PCDH9: variants seen among roughly 807,000 people sequenced by gnomAD.
The protein encoded by PCDH9 is protocadherin 9.
PCDH9 carries 24 observed loss-of-function variants against 70.6 expected under a neutral mutation model. The observed-to-expected ratio is 0.34, with a 90% CI of 0.25 to 0.48. The LOEUF is 0.48. Ranked by LOEUF, PCDH9 falls within the 20% of genes least tolerant of loss-of-function variation. The pLI is 0.99. For missense variants in PCDH9, 1,281 were observed against 1,503.6 expected (o/e 0.85, Z 2.45); for synonymous variants, 562 against 558.5 (o/e 1.01, Z -0.09).
chr13:66,380,253 T>G (rs1285928704), intron 4 of PCDH9, among the ~76,000 whole-genome samples: 2 of 152,172 alleles, frequency 1.3e-5, no homozygotes, highest in African/African-American at 4.8e-5. Flanking sequence ...ACTAGGATAA[T>G]AAGACAGTCA....
chr13:66,675,123 C>A (rs1256564661), intron 3 of PCDH9, among the ~76,000 whole-genome samples: 1 of 152,022 alleles, frequency 6.6e-6, no homozygotes, highest in Non-Finnish European at 1.5e-5. Flanking sequence ...GATTCCTTAT[C>A]TGTAAAATAC....
chr13:67,069,492 A>C (rs1271111074), intron 2 of PCDH9, among the ~76,000 whole-genome samples: 1 of 152,176 alleles, frequency 6.6e-6, no homozygotes, highest in African/African-American at 2.4e-5. Flanking sequence ...ACAAAATAAA[A>C]GAAAACCTTT....
At chr13:66,962,033 G>C (rs1329162656) in intron 2 of PCDH9, among the ~76,000 whole-genome samples, 1 of 150,504 alleles carries the variant, frequency 6.6e-6, no homozygotes, top group Admixed American at 6.6e-5. Context: ...CCTGGCGACA[G>C]AGCGAGACCC....
chr13:66,769,428 T>C (rs2079769079), intron 3 of PCDH9, among the ~76,000 whole-genome samples: 1 of 151,878 alleles, frequency 6.6e-6, no homozygotes, highest in African/African-American at 2.4e-5. Context: ...ATAGAAAAAT[T>C]AATATTTGGG....
At chr13:66,656,362 AG>A (rs2077929492) in intron 3 of PCDH9, among the ~76,000 whole-genome samples, 1 of 152,218 alleles carries the variant, frequency 6.6e-6, no homozygotes, top group South Asian at 2.1e-4. Flanking sequence ...CATATTCAGT[AG>A]AGTTAAGACA....
In PCDH9 at chr13:67,219,448, T is replaced by C. The variant is rs571649589; in HGVS notation, c.3036+5957A>G. ...TAAAAACAGAGTACATCTCCTTATG[T>C]ACATGAGAGATCCTATTTTTACATT... On this transcript the variant is annotated intron_variant, in intron 2 of 4. Coordinates refer to ENST00000377865, the MANE Select transcript of PCDH9 (RefSeq NM_203487.3). The C allele has an allele frequency of 3.9e-5, 6 of 152,200 alleles. 1 individual carries two copies. In the South Asian group the frequency reaches 1.0e-3, roughly 26 times the overall value. 9.4% of individuals were successfully genotyped at this position (152,200 alleles called of 1,614,324 possible).
chr13:66,988,031 A>G (rs1432553376), intron 2 of PCDH9, among the ~76,000 whole-genome samples: 1 of 151,762 alleles, frequency 6.6e-6, no homozygotes, highest in Admixed American at 6.6e-5. Context: ...TCCCTGGTAG[A>G]TGGAACTAAA....
intron 2 of PCDH9, among the ~76,000 whole-genome samples, chr13:66,930,815 C>T (rs535471280): frequency 2.0e-4 from 31 of 151,810 alleles, no homozygotes; most frequent in African/African-American, 7.0e-4. Flanking sequence ...TCTGACCCAC[C>T]GAAAAAAATT....
chr13:66,851,272 G>T (rs34449097), intron 3 of PCDH9, among the ~76,000 whole-genome samples: 1 of 151,888 alleles, frequency 6.6e-6, no homozygotes, highest in Admixed American at 6.6e-5. Context: ...CAAAATTCTC[G>T]TCTGTATTAT....
intron 4 of PCDH9, among the ~76,000 whole-genome samples, chr13:66,407,457 A>G (rs1379415579): frequency 6.6e-6 from 1 of 152,188 alleles, no homozygotes; most frequent in East Asian, 1.9e-4. Flanking sequence ...GTCTGGCCTT[A>G]GGCAGCATTC....
At chr13:66,810,897 T>C (rs929494202) in intron 3 of PCDH9, among the ~76,000 whole-genome samples, 1 of 151,972 alleles carries the variant, frequency 6.6e-6, no homozygotes, top group African/African-American at 2.4e-5. Context: ...TCTTCTTTTA[T>C]GGATGAAGAA....
chr13:66,941,306 A>G (rs2083002689), intron 2 of PCDH9, among the ~76,000 whole-genome samples: 1 of 151,820 alleles, frequency 6.6e-6, no homozygotes, highest in Non-Finnish European at 1.5e-5. Context: ...ATAAAAACAT[A>G]TTATAAAATA....
chr13:66,900,238 G>C (rs2082255344), intron 3 of PCDH9, among the ~76,000 whole-genome samples: 1 of 151,818 alleles, frequency 6.6e-6, no homozygotes, highest in African/African-American at 2.4e-5. Flanking sequence ...GTGTGCATTT[G>C]AGCAAATTAC....
chr13:66,706,854 G>A (rs2078718250), intron 3 of PCDH9, among the ~76,000 whole-genome samples: 2 of 152,174 alleles, frequency 1.3e-5, no homozygotes. Context: ...CTGAAGCCAA[G>A]AGTTTGGGTT....
At chr13:66,616,867 G>A (rs1230204410) in intron 4 of PCDH9, among the ~76,000 whole-genome samples, 4 of 152,056 alleles carry the variant, frequency 2.6e-5, no homozygotes, top group Non-Finnish European at 2.9e-5. Flanking sequence ...TAAGGAGTCC[G>A]TACAATCCCC....
At chr13:66,440,386 A>G (rs1344847177) in intron 4 of PCDH9, among the ~76,000 whole-genome samples, 4 of 152,094 alleles carry the variant, frequency 2.6e-5, no homozygotes, top group African/African-American at 9.7e-5. Context: ...TTGATTATTA[A>G]TTTCCTGTGC....
intron 2 of PCDH9, among the ~76,000 whole-genome samples, chr13:67,012,420 A>G (rs1244231103): frequency 6.6e-6 from 1 of 151,980 alleles, no homozygotes; most frequent in Non-Finnish European, 1.5e-5. Context: ...CAAGTAAGTT[A>G]TTACCAACAA....
intron 2 of PCDH9, among the ~76,000 whole-genome samples, chr13:67,043,172 A>T (rs1263416003): frequency 6.6e-6 from 1 of 152,198 alleles, no homozygotes; most frequent in Non-Finnish European, 1.5e-5. Flanking sequence ...AATTGCTTAC[A>T]AATTTTAATC....
At chr13:66,976,497 T>G (rs1254311815) in intron 2 of PCDH9, among the ~76,000 whole-genome samples, 3 of 152,100 alleles carry the variant, frequency 2.0e-5, no homozygotes, top group African/African-American at 7.2e-5. Flanking sequence ...CTCTTTGAGT[T>G]TCAAATGACT....
Sources: gnomAD v4.1 joint callset for allele counts (sites outside exome capture counted in the v4.1 genomes callset) on GRCh38, gnomAD v4.1.1 for gene constraint, MANE v1.5 for transcripts, NCBI Gene and HGNC (gene_info 2026-07-23, HGNC 2026-07-21) for gene names.